Variants in SLC35D2 observed in about 807,000 individuals in gnomAD.
SLC35D2 encodes the protein solute carrier family 35 member D2.
SLC35D2 carries 43 observed loss-of-function variants against 41.8 expected under a neutral mutation model. The observed-to-expected ratio is 1.03, with a 90% CI of 0.81 to 1.33. The LOEUF is 1.33. Among genes scored for constraint, SLC35D2 ranks in the 40% most tolerant of loss-of-function variants. SLC35D2 has a pLI of 0.00. For synonymous variants in SLC35D2, 150 were observed against 163.9 expected, an observed-to-expected ratio of 0.92 and a Z score of 0.65; for missense variants, 380 against 408.4, an observed-to-expected ratio of 0.93 and a Z score of 0.60.
At chr9:96,349,077 TAC>T (rs1829701414) in intron 6 of SLC35D2, among the ~76,000 whole-genome samples, 2 of 152,114 alleles carry the variant, frequency 1.3e-5, no homozygotes, top group African/African-American at 4.8e-5. Flanking sequence ...TACCCTGGCA[TAC>T]AGATTATTTT....
chr9:96,335,673 T>G (rs1829015830), intron 9 of SLC35D2, among the ~76,000 whole-genome samples: 1 of 152,172 alleles, frequency 6.6e-6, no homozygotes, highest in Non-Finnish European at 1.5e-5. Flanking sequence ...TATCACCTAT[T>G]CATGCAAAGG....
intron 2 of SLC35D2, among the ~76,000 whole-genome samples, chr9:96,367,636 G>T (rs1830527330): frequency 6.6e-6 from 1 of 152,088 alleles, no homozygotes; most frequent in African/African-American, 2.4e-5. Context: ...TACAAAAATA[G>T]CTGGCCATGG....
At chr9:96,370,459 C>A (rs1170060053) in intron 1 of SLC35D2, among the ~76,000 whole-genome samples, 1 of 152,128 alleles carries the variant, frequency 6.6e-6, no homozygotes, top group East Asian at 1.9e-4. Context: ...GAGTTCGAGG[C>A]CAGCCTGGCC....
rs200897475 is a variant in SLC35D2, at chr9:96,382,496, C to CACTATA, written c.158+980_158+981insTATAGT. ...ACACACACACACACACACACACACA[C>CACTATA]TATATATATATATATATATATGCCT... is the stretch of plus-strand genomic sequence containing the variant. On this transcript the variant is annotated intron_variant, in intron 1 of 11. Coordinates refer to ENST00000253270, the MANE Select transcript of SLC35D2 (RefSeq NM_007001.3). 9.0e-4 allele frequency among the ~76,000 whole-genome samples: 115 copies of CACTATA among 127,924 alleles called. 1 individual carries two copies. The highest frequency in any genetic ancestry group is 2.7e-3 in the African/African-American group (91 of 34,182). 83.9% of individuals were successfully genotyped at this position (127,924 alleles called of 152,430 possible). A position where few individuals can be genotyped will look rare whatever the true frequency, so the allele number is the denominator to read the frequency against.
At chr9:96,338,087 A>C (rs887436658) in intron 8 of SLC35D2, among the ~76,000 whole-genome samples, 30 of 151,452 alleles carry the variant, frequency 2.0e-4, no homozygotes, top group African/African-American at 7.3e-4. Flanking sequence ...GACAATAAGG[A>C]GTATTTTATT....
Position 96,336,776 on chromosome 9 carries a change from T to C in SLC35D2, c.693A>G (p.Glu231=), listed in dbSNP as rs761368537. Residue 231 remains glutamate, a synonymous_variant, in exon 9 of 12, where the codon GAA becomes GAG. Transcript: ENST00000253270. ...VSTGDLQQAT[E]FNQWKNVVFI... ...ACACAACATTCTTCCATTGGTTGAA[T>C]TCAGTAGCCTATTATTAAAAAGAAA... The C allele has an allele frequency of 1.9e-5, 30 of 1,565,820 alleles. No individual in the cohort carries two copies. Among genetic ancestry groups the C allele is most frequent in the South Asian group, 9.2e-5 (8 of 86,998 alleles).
At chr9:96,368,937 G>A (rs1481131948) in intron 1 of SLC35D2, among the ~76,000 whole-genome samples, 1 of 151,932 alleles carries the variant, frequency 6.6e-6, no homozygotes, top group Admixed American at 6.6e-5. Context: ...GTTAATTTTT[G>A]TATTTTTAGT....
Position 96,320,905 on chromosome 9 carries a change from T to G in SLC35D2, c.*337A>C. The G allele has an allele frequency of 5.6e-6, 1 of 179,382 alleles. No homozygotes were observed. The highest frequency in any genetic ancestry group is 1.2e-5 in the Non-Finnish European group (1 of 86,296). 11.1% of individuals were successfully genotyped at this position (179,382 alleles called of 1,614,324 possible). On this transcript the variant is annotated 3_prime_UTR_variant, in exon 12 of 12. Coordinates refer to ENST00000253270, the MANE Select transcript of SLC35D2 (RefSeq NM_007001.3). ...GGCCAAGGTGCTGATCAGAAAAGAGTCACCATTACATCAACCTCCTCCCCA... is the reference window on the plus strand; with the variant it reads ...GGCCAAGGTGCTGATCAGAAAAGAGGCACCATTACATCAACCTCCTCCCCA...
At chr9:96,320,345 G>A (rs1285647229), downstream of SLC35D2, among the ~76,000 whole-genome samples, 1 of 152,146 alleles carries the variant, frequency 6.6e-6, no homozygotes, top group Non-Finnish European at 1.5e-5. Context: ...GCCAAACCTT[G>A]TCTCTACTAA....
At chr9:96,325,709 A>T (rs7849990) in intron 9 of SLC35D2, among the ~76,000 whole-genome samples, 20,277 of 152,212 alleles carry the variant, frequency 0.13, 1,803 homozygotes, top group East Asian at 0.29. Flanking sequence ...GGTTAAAGGC[A>T]GGAACTTGGA....
At chr9:96,320,451 G>T (rs1203571582), downstream of SLC35D2, among the ~76,000 whole-genome samples, 1 of 151,798 alleles carries the variant, frequency 6.6e-6, no homozygotes, top group Non-Finnish European at 1.5e-5. Flanking sequence ...GGGTGGCAGA[G>T]GCTGCAGTGA....
intron 9 of SLC35D2, among the ~76,000 whole-genome samples, chr9:96,328,563 CCT>C (rs1828660236): frequency 6.6e-6 from 1 of 152,186 alleles, no homozygotes; most frequent in Non-Finnish European, 1.5e-5. Flanking sequence ...AGTAGAAACT[CCT>C]GGACCAGAGC....
chr9:96,328,120 C>T (rs1828634445), intron 9 of SLC35D2, among the ~76,000 whole-genome samples: 1 of 152,226 alleles, frequency 6.6e-6, no homozygotes. Context: ...AGGGAAACCT[C>T]ACCACTTTTA....
At chr9:96,331,504 T>G (rs2130862748) in intron 9 of SLC35D2, among the ~76,000 whole-genome samples, 1 of 152,194 alleles carries the variant, frequency 6.6e-6, no homozygotes. Flanking sequence ...TCCCTTTTTT[T>G]TTCTTTCCCT....
At chr9:96,351,303 T>C in intron 5 of SLC35D2, 132 bp from the exon 6 acceptor site, 1 of 650,842 alleles carries the variant, frequency 1.5e-6, no homozygotes, top group Non-Finnish European at 2.7e-6. Flanking sequence ...CAATGCTTGA[T>C]GCAGAGAAAG....
chr9:96,348,849 T>C (rs1422628755), intron 6 of SLC35D2, among the ~76,000 whole-genome samples: 1 of 152,216 alleles, frequency 6.6e-6, no homozygotes, highest in South Asian at 2.1e-4. Flanking sequence ...TGATCACTGG[T>C]TCTGGAAACG....
downstream of SLC35D2, among the ~76,000 whole-genome samples, chr9:96,317,549 G>A (rs1828082677): frequency 6.6e-6 from 1 of 152,022 alleles, no homozygotes; most frequent in Admixed American, 6.6e-5. Context: ...GCCCTCTGCT[G>A]GCCACACGTG....
intron 1 of SLC35D2, among the ~76,000 whole-genome samples, chr9:96,380,194 G>A (rs574470131): frequency 5.1e-4 from 78 of 152,226 alleles, no homozygotes; most frequent in African/African-American, 1.9e-3. Flanking sequence ...ACCGCGCCCG[G>A]CCCTTAGAGC....
intron 4 of SLC35D2, among the ~76,000 whole-genome samples, chr9:96,353,430 T>C (rs1216365835): frequency 6.6e-6 from 1 of 152,122 alleles, no homozygotes; most frequent in Non-Finnish European, 1.5e-5. Context: ...CTCAGCTCAC[T>C]GCAATCCCCA....
Sources: gnomAD v4.1 joint callset for allele counts (sites outside exome capture counted in the v4.1 genomes callset) on GRCh38, gnomAD v4.1.1 for gene constraint, MANE v1.5 for transcripts, NCBI Gene and HGNC (gene_info 2026-07-23, HGNC 2026-07-21) for gene names.